Variants in MECOM observed in about 807,000 individuals in gnomAD.
MECOM encodes the protein MDS1 and EVI1 complex locus, also known as histone-lysine N-methyltransferase MECOM.
In MECOM, 13 loss-of-function variants were observed where a neutral mutation model predicts 116.3. That is an observed-to-expected ratio of 0.11 (90% CI 0.07 to 0.18). MECOM has a LOEUF of 0.18. MECOM is among the 10% of genes least tolerant of loss of function. MECOM has a pLI of 1.00. For missense variants in MECOM, 1,299 were observed against 1,509.0 expected, an observed-to-expected ratio of 0.86 and a Z score of 2.31; for synonymous variants, 528 against 535.2, an observed-to-expected ratio of 0.99 and a Z score of 0.19.
In MECOM at chr3:169,126,134, T is replaced by C. The variant is rs370019046; in HGVS notation, c.830+1710A>G. On this transcript the variant is annotated intron_variant, in intron 5 of 16. Coordinates refer to ENST00000651503, the MANE Select transcript of MECOM (RefSeq NM_004991.4). ...AATGACAGATAATTAGATTTCCTTA[T>C]TGTTTTCTACTAAATGTTTGACTGA... 5.9e-5 allele frequency among the ~76,000 whole-genome samples: 9 copies of C among 152,218 alleles called. No homozygotes were observed. The South Asian group carries it at 1.9e-3, about 32-fold the overall frequency.
intron 1 of MECOM, among the ~76,000 whole-genome samples, chr3:169,416,029 T>C (rs752605791): frequency 6.6e-6 from 1 of 152,184 alleles, no homozygotes; most frequent in Non-Finnish European, 1.5e-5. Flanking sequence ...GTGGACCTAA[T>C]AGACATCTAC....
At chr3:169,308,371 T>C (rs60578369) in intron 2 of MECOM, among the ~76,000 whole-genome samples, 29,363 of 152,186 alleles carry the variant, frequency 0.19, 4,414 homozygotes, top group East Asian at 0.41. Flanking sequence ...AGACATATTA[T>C]ATAAATTGGG....
At chr3:169,603,170 T>C (rs1048847713) in intron 1 of MECOM, among the ~76,000 whole-genome samples, 18 of 152,294 alleles carry the variant, frequency 1.2e-4, no homozygotes, top group African/African-American at 1.7e-4. Context: ...AGCTGAAAAA[T>C]GTCTGTCACT....
At chr3:169,616,765 T>G (rs1210851108) in intron 1 of MECOM, among the ~76,000 whole-genome samples, 1 of 152,140 alleles carries the variant, frequency 6.6e-6, no homozygotes, top group Non-Finnish European at 1.5e-5. Flanking sequence ...TAGAGTTGGG[T>G]CAATTAATCT....
intron 2 of MECOM, among the ~76,000 whole-genome samples, chr3:169,198,158 C>T (rs1257451886): frequency 1.3e-5 from 2 of 151,842 alleles, no homozygotes; most frequent in South Asian, 2.1e-4. Flanking sequence ...ATTCTTCTGA[C>T]AATAAAAGAT....
chr3:169,617,649 G>A (rs150402536), intron 1 of MECOM, among the ~76,000 whole-genome samples: 97 of 152,276 alleles, frequency 6.4e-4, no homozygotes, highest in Non-Finnish European at 8.2e-4. Flanking sequence ...GGTCTGCGGT[G>A]CCTTTGGTTT....
rs188857413 is a variant in MECOM, at chr3:169,422,732, T to C, written c.38-41208A>G. ...ACCTACCCAGATCCCCTGAATCATA[T>C]GCATAACGCAGTGAAAATTTTATGG... On this transcript the variant is annotated intron_variant, in intron 1 of 16. Transcript: ENST00000651503. 2.2e-3 allele frequency among the ~76,000 whole-genome samples: 329 copies of C among 152,240 alleles called. 4 individuals carry two copies. The highest frequency in any genetic ancestry group is 0.019 in the South Asian group (92 of 4,822).
At chr3:169,461,889 T>C (rs1197351656) in intron 1 of MECOM, among the ~76,000 whole-genome samples, 1 of 152,158 alleles carries the variant, frequency 6.6e-6, no homozygotes, top group African/African-American at 2.4e-5. Context: ...GATGGTTTCA[T>C]GCCATGCTTT....
intron 3 of MECOM, among the ~76,000 whole-genome samples, chr3:169,139,408 C>G (rs1466154987): frequency 1.4e-5 from 1 of 71,388 alleles, no homozygotes; most frequent in African/African-American, 5.6e-5. Flanking sequence ...TGTGTTCCTT[C>G]TTATGGTACA....
intron 2 of MECOM, among the ~76,000 whole-genome samples, chr3:169,332,156 G>T (rs368954280): frequency 2.8e-4 from 42 of 152,214 alleles, no homozygotes; most frequent in African/African-American, 9.9e-4. Context: ...TCCCTCAGGG[G>T]GAAACTCTTA....
chr3:169,139,203 A>T (rs1253512593), intron 3 of MECOM, among the ~76,000 whole-genome samples: 1 of 152,058 alleles, frequency 6.6e-6, no homozygotes, highest in African/African-American at 2.4e-5. Flanking sequence ...GCATTAGATA[A>T]TCTCTTATCG....
At chr3:169,365,014 A>T (rs1728917792) in intron 2 of MECOM, among the ~76,000 whole-genome samples, 1 of 152,062 alleles carries the variant, frequency 6.6e-6, no homozygotes, top group African/African-American at 2.4e-5. Flanking sequence ...AAACATAATG[A>T]TAATTCTTTT....
chr3:169,205,477 C>T (rs1379215839), intron 2 of MECOM, among the ~76,000 whole-genome samples: 2 of 152,174 alleles, frequency 1.3e-5, no homozygotes, highest in African/African-American at 4.8e-5. Flanking sequence ...ATTCCATTCC[C>T]TTCTGAAAAG....
At chr3:169,181,435 C>T (rs576306663) in intron 2 of MECOM, among the ~76,000 whole-genome samples, 5 of 152,260 alleles carry the variant, frequency 3.3e-5, no homozygotes, top group African/African-American at 1.2e-4. Context: ...CTAGAAAGTC[C>T]TATTTCTCAG....
At position 169,196,677 on chromosome 3, in the gene MECOM, G is replaced by C. The variant is rs146508160; in HGVS notation, c.376-52845C>G. Among the ~76,000 whole-genome samples the C allele has an allele frequency of 3.4e-3, 519 of 152,142 alleles. 4 individuals are homozygous for C. The highest frequency in any genetic ancestry group is 0.012 in the African/African-American group (490 of 41,546). On this transcript the variant is annotated intron_variant, in intron 2 of 16. Coordinates refer to ENST00000651503, the MANE Select transcript of MECOM (RefSeq NM_004991.4). ...GTCAAAACATAAAAGATGCTGGCAA[G>C]GTTGCAGAGAAAAAAGAATGCTTAT...
chr3:169,210,082 C>A (rs993884020), intron 2 of MECOM, among the ~76,000 whole-genome samples: 3 of 152,070 alleles, frequency 2.0e-5, no homozygotes, highest in Admixed American at 2.0e-4. Flanking sequence ...AAGCCATCAT[C>A]TTCAGCAAAC....
chr3:169,199,228 C>A (rs1748836367), intron 2 of MECOM, among the ~76,000 whole-genome samples: 1 of 151,984 alleles, frequency 6.6e-6, no homozygotes, highest in Admixed American at 6.6e-5. Context: ...TTATTTAGAA[C>A]CTGCTTTGAG....
At chr3:169,333,966 C>G (rs1723167723) in intron 2 of MECOM, among the ~76,000 whole-genome samples, 1 of 148,656 alleles carries the variant, frequency 6.7e-6, no homozygotes, top group African/African-American at 2.5e-5. Context: ...CAGACGGTAG[C>G]AATTCTGTTT....
chr3:169,495,370 T>C (rs1304170151), intron 1 of MECOM, among the ~76,000 whole-genome samples: 5 of 151,448 alleles, frequency 3.3e-5, no homozygotes, highest in Non-Finnish European at 1.5e-5. Flanking sequence ...AAATATGATA[T>C]TAATTTAAGT....
Sources: gnomAD v4.1 joint callset for allele counts (sites outside exome capture counted in the v4.1 genomes callset) on GRCh38, gnomAD v4.1.1 for gene constraint, MANE v1.5 for transcripts, NCBI Gene and HGNC (gene_info 2026-07-23, HGNC 2026-07-21) for gene names.